Variants in MBOAT1 observed in about 807,000 individuals in gnomAD.
The protein encoded by MBOAT1 is membrane-bound glycerophospholipid O-acyltransferase 1.
In MBOAT1, 67 loss-of-function variants were observed where a neutral mutation model predicts 64.4. That is an observed-to-expected ratio of 1.04 (90% CI 0.85 to 1.27). The LOEUF is 1.27. Among genes scored for constraint, MBOAT1 ranks in the 50% most tolerant of loss-of-function variants. The pLI is 0.00. For missense variants in MBOAT1, 563 were observed against 604.6 expected (o/e 0.93, Z 0.72); for synonymous variants, 229 against 218.9 (o/e 1.05, Z -0.41).
chr6:20,111,826 A>G lies in MBOAT1; in HGVS notation c.1209+1050T>C, dbSNP rs939146045. Among the ~76,000 whole-genome samples, 533 of 124,126 alleles carry G rather than the reference A, an allele frequency of 4.3e-3. 4 individuals carry two copies. The highest frequency in any genetic ancestry group is 0.017 in the African/African-American group (499 of 29,094). The allele number at this position is 124,126 out of a possible 152,430, so 81.4% of individuals were successfully genotyped here. On this transcript the variant is annotated intron_variant, in intron 11 of 12. Transcript: ENST00000324607. The stretch of plus-strand genomic sequence containing the variant: ...TGTTCATATATATACATATATATAC[A>G]TATATATACACATATATATACATAT...
At chr6:20,173,643 T>C (rs1762262550) in intron 1 of MBOAT1, among the ~76,000 whole-genome samples, 1 of 152,160 alleles carries the variant, frequency 6.6e-6, no homozygotes, top group Admixed American at 6.5e-5. Context: ...GCAAGTATCT[T>C]GGAATACCAG....
intron 4 of MBOAT1, among the ~76,000 whole-genome samples, chr6:20,139,889 G>C (rs1761120688): frequency 6.6e-6 from 1 of 152,114 alleles, no homozygotes; most frequent in Admixed American, 6.5e-5. Flanking sequence ...TATGTAACTA[G>C]ACATTCATTC....
At chr6:20,189,665 C>G (rs1762750182) in intron 1 of MBOAT1, among the ~76,000 whole-genome samples, 1 of 151,670 alleles carries the variant, frequency 6.6e-6, no homozygotes, top group Non-Finnish European at 1.5e-5. Flanking sequence ...AATTTATACC[C>G]TTTGAGCAAC....
rs138483457 is a variant in MBOAT1, at chr6:20,121,516, C to G, written c.907+2892G>C. Among the ~76,000 whole-genome samples the G allele has an allele frequency of 7.9e-3, 1,206 of 152,254 alleles. 7 individuals are homozygous for G. Among genetic ancestry groups the G allele is most frequent in the African/African-American group, 0.028 (1,144 of 41,540 alleles). On this transcript the variant is annotated intron_variant, in intron 8 of 12. Transcript: ENST00000324607. The stretch of plus-strand genomic sequence containing the variant: ...GAAAGCTCTCCACAGGAAGGGGTAC[C>G]TCTACACTGTACTGCAGATGTCTGG...
At chr6:20,212,062 G>T in intron 1 of MBOAT1, 74 bp downstream of exon 1, 3 of 1,375,136 alleles carry the variant, frequency 2.2e-6, no homozygotes, top group Non-Finnish European at 2.0e-6. Flanking sequence ...AGGGACGGTG[G>T]CTAACACTTT....
In MBOAT1 at chr6:20,212,124, G is replaced by C. The variant is rs769684126; in HGVS notation, c.99+12C>G. ...GGGAGCTGGGGTCGCTGCGCTCCCG[G>C]CCTGCAGTTACCTGGTCCAGCGGGA... is the stretch of plus-strand genomic sequence containing the variant. On this transcript the variant is annotated intron_variant, in intron 1 of 12. Transcript: ENST00000324607. 2.8e-5 allele frequency: 45 copies of C among 1,611,906 alleles called. No individual in the cohort carries two copies. Among genetic ancestry groups the C allele is most frequent in the Non-Finnish European group, 3.6e-5 (43 of 1,179,044 alleles).
intron 12 of MBOAT1, among the ~76,000 whole-genome samples, chr6:20,108,640 T>C (rs1365629441): frequency 6.6e-6 from 1 of 152,238 alleles, no homozygotes; most frequent in Non-Finnish European, 1.5e-5. Flanking sequence ...GTGTTTGCAC[T>C]GTTTATTTCT....
At chr6:20,179,769 TC>T (rs779433538) in intron 1 of MBOAT1, among the ~76,000 whole-genome samples, 4 of 152,212 alleles carry the variant, frequency 2.6e-5, no homozygotes, top group Admixed American at 6.5e-5. Context: ...TATTTTACAT[TC>T]CTACCAACAG....
At chr6:20,119,043 G>A (rs953685361) in intron 8 of MBOAT1, among the ~76,000 whole-genome samples, 1 of 152,184 alleles carries the variant, frequency 6.6e-6, no homozygotes, top group African/African-American at 2.4e-5. Flanking sequence ...GGCTCCGCAA[G>A]AGTGATTGGA....
chr6:20,112,809 A>G, intron 11 of MBOAT1, 67 bp downstream of exon 11: 1 of 1,551,354 alleles, frequency 6.4e-7, no homozygotes, highest in South Asian at 1.2e-5. Context: ...ACTAGGACCC[A>G]ACAGATAACA....
At chr6:20,211,560 A>G (rs1241057927) in intron 1 of MBOAT1, among the ~76,000 whole-genome samples, 1 of 152,172 alleles carries the variant, frequency 6.6e-6, no homozygotes. Context: ...TGTCCTACTC[A>G]GAAGCTCCAG....
At position 20,109,754 on chromosome 6, in the gene MBOAT1, A is replaced by T. The variant is rs775279635; in HGVS notation, c.1210-5T>A. 2 of 1,612,314 alleles carry T rather than the reference A, an allele frequency of 1.2e-6. No individual in the cohort carries two copies. Among genetic ancestry groups the T allele is most frequent in the South Asian group, 2.2e-5 (2 of 91,020 alleles). ...ATGTCTGTAGTTGTTCCTGACCTGC[A>T]GGCCAACACAGGCAACAGTAGTGAG... On this transcript the variant is annotated splice_polypyrimidine_tract_variant and splice_region_variant and intron_variant, in intron 11 of 12. Coordinates refer to ENST00000324607, the MANE Select transcript of MBOAT1 (RefSeq NM_001080480.3).
At chr6:20,170,983 T>G (rs1762173040) in intron 1 of MBOAT1, among the ~76,000 whole-genome samples, 1 of 151,976 alleles carries the variant, frequency 6.6e-6, no homozygotes, top group Non-Finnish European at 1.5e-5. Context: ...ATTTTTAAAA[T>G]GTAGAAAAGG....
At chr6:20,172,269 C>T (rs1319301578) in intron 1 of MBOAT1, among the ~76,000 whole-genome samples, 2 of 151,980 alleles carry the variant, frequency 1.3e-5, no homozygotes, top group Non-Finnish European at 2.9e-5. Context: ...CCCATCTCTA[C>T]TACAAATACA....
intron 1 of MBOAT1, among the ~76,000 whole-genome samples, chr6:20,186,731 A>C (rs1762665385): frequency 6.6e-6 from 1 of 152,260 alleles, no homozygotes; most frequent in Admixed American, 6.5e-5. Context: ...GGGACTTAAG[A>C]CAACTACGTG....
intron 1 of MBOAT1, among the ~76,000 whole-genome samples, chr6:20,202,809 TGACATTAATGA>T (rs1201513298): frequency 6.6e-6 from 1 of 152,146 alleles, no homozygotes; most frequent in African/African-American, 2.4e-5. Flanking sequence ...TACTAGAAAT[TGACATTAATGA>T]GACTGCAATA....
chr6:20,168,640 A>AGAGAAGAGAGGAGAGGAGAG (rs1254759093), intron 1 of MBOAT1, among the ~76,000 whole-genome samples: 2 of 53,680 alleles, frequency 3.7e-5, no homozygotes, highest in African/African-American at 1.2e-4. Flanking sequence ...AGAGAAGAGA[A>AGAGAAGAGAGGAGAGGAGAG]GAGAGGAGAG....
intron 1 of MBOAT1, among the ~76,000 whole-genome samples, chr6:20,178,634 T>C: frequency 6.6e-6 from 1 of 152,136 alleles, no homozygotes; most frequent in Non-Finnish European, 1.5e-5. Flanking sequence ...GGGAAATAAA[T>C]ATTTTAAAAT....
chr6:20,111,055 T>G (rs1023185286), intron 11 of MBOAT1, among the ~76,000 whole-genome samples: 1 of 152,220 alleles, frequency 6.6e-6, no homozygotes, highest in East Asian at 1.9e-4. Flanking sequence ...AAGCCTATTA[T>G]GTTAGCATCA....
Sources: gnomAD v4.1 joint callset for allele counts (sites outside exome capture counted in the v4.1 genomes callset) on GRCh38, gnomAD v4.1.1 for gene constraint, MANE v1.5 for transcripts, NCBI Gene and HGNC (gene_info 2026-07-23, HGNC 2026-07-21) for gene names.